The following ATG7 variants were observed in gnomAD, a reference collection of about 807,000 sequenced individuals.
The protein encoded by ATG7 is ubiquitin-like modifier-activating enzyme ATG7.
A neutral mutation model predicts 82.4 loss-of-function variants in ATG7; 70 were observed. The observed-to-expected ratio is 0.85, with a 90% CI of 0.70 to 1.04. ATG7 has a LOEUF of 1.04. Ranked by LOEUF, ATG7 falls within the 50% of genes least tolerant of loss-of-function variation. The pLI, the probability that ATG7 is intolerant of heterozygous loss-of-function variation, is 0.00. For synonymous variants in ATG7, 287 were observed against 313.0 expected, an observed-to-expected ratio of 0.92 and a Z score of 0.88; for missense variants, 792 against 864.3, an observed-to-expected ratio of 0.92 and a Z score of 1.05.
intron 20 of ATG7, among the ~76,000 whole-genome samples, chr3:11,522,529 A>G (rs1263366118): frequency 1.3e-5 from 2 of 152,200 alleles, no homozygotes; most frequent in South Asian, 2.1e-4. Flanking sequence ...GTTAGTCACC[A>G]GGACTTAGGC....
At chr3:11,536,633 C>T (rs1257846528) in intron 20 of ATG7, among the ~76,000 whole-genome samples, 1 of 152,196 alleles carries the variant, frequency 6.6e-6, no homozygotes, top group Non-Finnish European at 1.5e-5. Flanking sequence ...CGCACTCTGG[C>T]GGGGAGTCCC....
intron 3 of ATG7, among the ~76,000 whole-genome samples, chr3:11,295,895 C>T (rs1015198761): frequency 1.3e-5 from 2 of 151,908 alleles, no homozygotes; most frequent in African/African-American, 4.8e-5. Context: ...TCTCCTGCCT[C>T]AGCCTCCCAA....
Position 11,307,066 on chromosome 3 carries a change from C to A in ATG7, c.333+6C>A. The A allele has an allele frequency of 1.2e-6, 2 of 1,607,066 alleles. No homozygotes were observed. Among genetic ancestry groups the A allele is most frequent in the African/African-American group, 1.3e-5 (1 of 74,868 alleles). On this transcript the variant is annotated splice_donor_region_variant and intron_variant, in intron 6 of 20. Transcript: ENST00000693202. ...TGGAACAAGCAGCAAATGAGGTTAG[C>A]TGTGAAAACGTGATGTATGTGTCAT...
rs142738858 is a variant in ATG7 at position 11,551,995 on chromosome 3, C to T, written c.2080-2816C>T. On this transcript the variant is annotated intron_variant, in intron 20 of 20. Coordinates refer to ENST00000693202, the MANE Select transcript of ATG7 (RefSeq NM_001349232.2). Reference sequence around the variant, plus strand: ...AACTCCTGACCTCAAGTGATCCACCCGCCTTGGCCTCCCGAAGTGCTGGGA... The same window carrying T: ...AACTCCTGACCTCAAGTGATCCACCTGCCTTGGCCTCCCGAAGTGCTGGGA... Among the ~76,000 whole-genome samples the T allele has an allele frequency of 2.5e-3, 382 of 152,286 alleles. 1 individual carries two copies. The highest frequency in any genetic ancestry group is 8.7e-3 in the African/African-American group (363 of 41,562).
At chr3:11,321,597 G>C (rs972438879) in intron 9 of ATG7, among the ~76,000 whole-genome samples, 11 of 152,158 alleles carry the variant, frequency 7.2e-5, no homozygotes, top group Non-Finnish European at 1.2e-4. Context: ...GCTTCCTATA[G>C]TGAAAAAGGA....
In ATG7 at chr3:11,309,081, G is replaced by C; in HGVS notation, c.411+20G>C. On this transcript the variant is annotated intron_variant, in intron 7 of 20. Transcript: ENST00000693202. ...TTTGCAGTAAGTAAATGGGCTCTCG[G>C]TTGCACCGAGGTTGGTGAAATCCCC... The C allele has an allele frequency of 6.2e-7, 1 of 1,602,190 alleles. No homozygotes were observed. The highest frequency in any genetic ancestry group is 8.6e-7 in the Non-Finnish European group (1 of 1,169,248).
intron 9 of ATG7, among the ~76,000 whole-genome samples, chr3:11,326,915 C>G (rs551559128): frequency 1.3e-5 from 2 of 152,262 alleles, no homozygotes; most frequent in Admixed American, 6.5e-5. Flanking sequence ...GGTTAAAATG[C>G]CATGAGACCC....
chr3:11,569,838 G>A, the ATG7 span, among the ~76,000 whole-genome samples: 17 of 152,234 alleles, frequency 1.1e-4, no homozygotes, highest in Admixed American at 3.3e-4. Flanking sequence ...CCATGGTCAC[G>A]CCACTGCACT....
At chr3:11,342,059 A>G in intron 12 of ATG7, 76 bp from the exon 13 acceptor site, 2 of 1,439,874 alleles carry the variant, frequency 1.4e-6, no homozygotes, top group Non-Finnish European at 9.3e-7. Context: ...ATTTTCTTGC[A>G]TAGCCACTTG....
the ATG7 span, among the ~76,000 whole-genome samples, chr3:11,563,514 T>C: frequency 6.6e-6 from 1 of 152,178 alleles, no homozygotes; most frequent in Non-Finnish European, 1.5e-5. Context: ...GACTGGGAGC[T>C]CCCTGTGGCC....
chr3:11,330,064 T>C (rs1951428333), intron 9 of ATG7, among the ~76,000 whole-genome samples: 1 of 152,202 alleles, frequency 6.6e-6, no homozygotes, highest in Non-Finnish European at 1.5e-5. Context: ...GTGATTAGAC[T>C]GGGGTTATGG....
chr3:11,537,525 C>T (rs183947435), intron 20 of ATG7, among the ~76,000 whole-genome samples: 307 of 152,278 alleles, frequency 2.0e-3, no homozygotes, highest in African/African-American at 6.7e-3. Flanking sequence ...CTTCATAGAG[C>T]CCCATTTTCC....
intron 5 of ATG7, among the ~76,000 whole-genome samples, chr3:11,303,660 T>A (rs1180004903): frequency 6.6e-6 from 1 of 150,624 alleles, no homozygotes; most frequent in Non-Finnish European, 1.5e-5. Flanking sequence ...AGAGCGAGAC[T>A]CCGTCTCTAA....
the ATG7 span, among the ~76,000 whole-genome samples, chr3:11,571,915 T>C: frequency 6.6e-6 from 1 of 152,190 alleles, no homozygotes; most frequent in South Asian, 2.1e-4. Flanking sequence ...AAGACCAGCC[T>C]GGGAAACATG....
chr3:11,559,488 C>A (rs767436953), downstream of ATG7: 2 of 1,524,460 alleles, frequency 1.3e-6, no homozygotes, highest in Non-Finnish European at 1.8e-6. Flanking sequence ...TATGTGGAGA[C>A]CAGCTTCAGT....
chr3:11,564,993 C>T, the ATG7 span: 8 of 1,512,074 alleles, frequency 5.3e-6, no homozygotes, highest in African/African-American at 2.8e-5. Flanking sequence ...GGGGTCTCTG[C>T]GGCAGTCTCC....
intron 20 of ATG7, among the ~76,000 whole-genome samples, chr3:11,490,024 G>GGT (rs1286233866): frequency 6.6e-6 from 1 of 151,750 alleles, no homozygotes; most frequent in Admixed American, 6.6e-5. Flanking sequence ...TCAATTCCTG[G>GGT]GTATCCTTGT....
At chr3:11,565,042 CAG>C in the ATG7 span, 1 of 1,466,226 alleles carries the variant, frequency 6.8e-7, no homozygotes, top group Non-Finnish European at 9.0e-7. This position sits in a 1 kb window ranked among gnomAD's most constrained non-coding sequence, Gnocchi z 4.1. Flanking sequence ...AATGGGCATT[CAG>C]GGGGCGTTTT....
intron 20 of ATG7, among the ~76,000 whole-genome samples, chr3:11,475,866 G>GACACACACAC (rs2088112060): frequency 2.1e-5 from 1 of 48,198 alleles, no homozygotes; most frequent in South Asian, 1.1e-3. Flanking sequence ...CTCTGTCTCT[G>GACACACACAC]AGACACACAC....
Sources: allele counts gnomAD v4.1 joint callset (sites outside exome capture counted in the v4.1 genomes callset), GRCh38; gene constraint gnomAD v4.1.1; non-coding constraint Gnocchi (gnomAD v3.1); transcripts MANE v1.5; gene names NCBI Gene and HGNC (gene_info 2026-07-23, HGNC 2026-07-21).